SDK1: variants seen among roughly 807,000 people sequenced by gnomAD.
SDK1 encodes the protein sidekick cell adhesion molecule 1.
A neutral mutation model predicts 245.5 loss-of-function variants in SDK1; 157 were observed. The ratio of observed to expected loss-of-function variants is 0.64; its 90% CI spans 0.56 to 0.73. The LOEUF (loss-of-function observed/expected upper bound fraction) is 0.73. SDK1 is among the 30% of genes least tolerant of loss of function. SDK1 has a pLI of 0.00. For missense variants in SDK1, 3,583 were observed against 3,002.3 expected, an observed-to-expected ratio of 1.19 and a Z score of -4.52; for synonymous variants, 1,647 against 1,278.5, an observed-to-expected ratio of 1.29 and a Z score of -6.15.
At chr7:4,173,148 C>T (rs1781959998) in intron 32 of SDK1, among the ~76,000 whole-genome samples, 1 of 152,252 alleles carries the variant, frequency 6.6e-6, no homozygotes, top group Non-Finnish European at 1.5e-5. Flanking sequence ...CATCCGTCCT[C>T]TGACGAGGCT....
intron 5 of SDK1, among the ~76,000 whole-genome samples, chr7:3,943,534 C>G (rs1476272033): frequency 6.7e-6 from 1 of 150,266 alleles, no homozygotes; most frequent in Non-Finnish European, 1.5e-5. Context: ...TTTCCCCCAC[C>G]CCACCCCTGC....
intron 1 of SDK1, among the ~76,000 whole-genome samples, chr7:3,414,310 G>A (rs145291916): frequency 6.6e-6 from 1 of 152,204 alleles, no homozygotes; most frequent in African/African-American, 2.4e-5. Flanking sequence ...TGACGGAATG[G>A]ACTGTTTGGC....
At chr7:3,656,523 A>G (rs1783190205) in intron 4 of SDK1, among the ~76,000 whole-genome samples, 1 of 152,146 alleles carries the variant, frequency 6.6e-6, no homozygotes, top group South Asian at 2.1e-4. Flanking sequence ...GGAGTCAAAA[A>G]TTAAGAAAAC....
At chr7:3,889,103 C>A (rs1781398848) in intron 5 of SDK1, among the ~76,000 whole-genome samples, 1 of 152,174 alleles carries the variant, frequency 6.6e-6, no homozygotes. Context: ...AACCCAGTAG[C>A]AGCTCTTAGC....
At chr7:3,329,850 A>G (rs964336710) in intron 1 of SDK1, among the ~76,000 whole-genome samples, 1 of 152,222 alleles carries the variant, frequency 6.6e-6, no homozygotes, top group African/African-American at 2.4e-5. Flanking sequence ...CTTATATAGC[A>G]TTTATACTTT....
At chr7:3,796,524 C>A (rs553541228) in intron 4 of SDK1, among the ~76,000 whole-genome samples, 8 of 152,130 alleles carry the variant, frequency 5.3e-5, no homozygotes, top group South Asian at 4.1e-4. Context: ...CCCTCTCCCC[C>A]CCAGCCTACA....
intron 4 of SDK1, among the ~76,000 whole-genome samples, chr7:3,764,632 G>A (rs1029570155): frequency 6.6e-6 from 1 of 151,812 alleles, no homozygotes; most frequent in South Asian, 2.1e-4. Context: ...CAGCGAGCAG[G>A]GATTGCGCCA....
intron 1 of SDK1, among the ~76,000 whole-genome samples, chr7:3,582,589 T>C (rs920489187): frequency 1.3e-5 from 2 of 151,478 alleles, no homozygotes; most frequent in African/African-American, 4.9e-5. Context: ...TACTAGGCTT[T>C]GTACCTGGGT....
At chr7:3,433,438 G>C (rs896671663) in intron 1 of SDK1, among the ~76,000 whole-genome samples, 2 of 152,250 alleles carry the variant, frequency 1.3e-5, no homozygotes, top group East Asian at 3.9e-4. Flanking sequence ...CTCCAGAAGA[G>C]GTAAGGAAGG....
chr7:3,766,915 G>C (rs1780270264), intron 4 of SDK1, among the ~76,000 whole-genome samples: 1 of 152,116 alleles, frequency 6.6e-6, no homozygotes, highest in South Asian at 2.1e-4. Context: ...GCCCAAAAGT[G>C]GTTCTATTTA....
chr7:3,898,539 G>A (rs1052595666), intron 5 of SDK1, among the ~76,000 whole-genome samples: 1 of 151,974 alleles, frequency 6.6e-6, no homozygotes, highest in African/African-American at 2.4e-5. Context: ...TTTAGACTCG[G>A]TACATTGCAA....
chr7:3,741,095 C>T (rs536736729), intron 4 of SDK1, among the ~76,000 whole-genome samples: 2 of 152,160 alleles, frequency 1.3e-5, no homozygotes, highest in Non-Finnish European at 2.9e-5. Flanking sequence ...GCTTCCTTGG[C>T]CACATCTCCT....
intron 21 of SDK1, 42 bp from the exon 22 acceptor site, chr7:4,079,421 C>G: frequency 3.7e-6 from 6 of 1,609,514 alleles, no homozygotes; most frequent in Non-Finnish European, 5.1e-6. Context: ...TAAGCTGTGA[C>G]GGACTGTAAA....
intron 1 of SDK1, among the ~76,000 whole-genome samples, chr7:3,534,149 G>T (rs994900330): frequency 1.3e-5 from 2 of 152,176 alleles, no homozygotes; most frequent in African/African-American, 4.8e-5. Flanking sequence ...AAATCATGCA[G>T]TATTTGTTCT....
At chr7:3,963,788 T>G (rs1781884467) in intron 9 of SDK1, among the ~76,000 whole-genome samples, 1 of 152,062 alleles carries the variant, frequency 6.6e-6, no homozygotes, top group African/African-American at 2.4e-5. Context: ...GGCTCACAGC[T>G]ACCTGACCTG....
intron 1 of SDK1, among the ~76,000 whole-genome samples, chr7:3,452,278 T>C (rs1424645781): frequency 1.3e-5 from 2 of 152,188 alleles, no homozygotes; most frequent in African/African-American, 2.4e-5. Context: ...CCCAGATTCT[T>C]AGGTGCTGGC....
chr7:3,862,844 T>G (rs1328313320), intron 5 of SDK1, among the ~76,000 whole-genome samples: 1 of 152,200 alleles, frequency 6.6e-6, no homozygotes, highest in Non-Finnish European at 1.5e-5. Context: ...AGGGATGGTT[T>G]CAGGGTGTTC....
At position 4,266,617 on chromosome 7, in the gene SDK1, G is replaced by C. The variant is rs956357791; in HGVS notation, c.*1233G>C. 1 of 985,212 alleles carries C rather than the reference G, an allele frequency of 1.0e-6. No individual in the cohort carries two copies. The highest frequency in any genetic ancestry group is 6.1e-5 in the Admixed American group (1 of 16,272). The allele number at this position is 985,212 out of a possible 1,614,324, so 61.0% of individuals were successfully genotyped here. A position where few individuals can be genotyped will look rare whatever the true frequency, so the allele number is the denominator to read the frequency against. ...GTCATTGTTTGGTTTAAATTTTTCA[G>C]CTAGATGAAAAGAGTATGAACTACT... On this transcript the variant is annotated 3_prime_UTR_variant, in exon 45 of 45. Coordinates refer to ENST00000404826, the MANE Select transcript of SDK1 (RefSeq NM_152744.4).
chr7:4,139,689 G>GTATGTGTGTGTGTA (rs1779422482), intron 28 of SDK1, among the ~76,000 whole-genome samples: 1 of 96,798 alleles, frequency 1.0e-5, no homozygotes, highest in Non-Finnish European at 1.9e-5. Flanking sequence ...GTGTGTGTGT[G>GTATGTGTGTGTGTA]TATGTGTGTG....
Sources: allele counts gnomAD v4.1 joint callset (sites outside exome capture counted in the v4.1 genomes callset), GRCh38; gene constraint gnomAD v4.1.1; transcripts MANE v1.5; gene names NCBI Gene and HGNC (gene_info 2026-07-23, HGNC 2026-07-21).